ZNF143: variants seen among roughly 807,000 people sequenced by gnomAD.
ZNF143 encodes the protein zinc finger protein 143, also known as SPH-binding factor.
ZNF143 carries 49 observed loss-of-function variants against 74.1 expected under a neutral mutation model. The ratio of observed to expected loss-of-function variants is 0.66; its 90% CI spans 0.53 to 0.84. The LOEUF (loss-of-function observed/expected upper bound fraction) is 0.84. Ranked by LOEUF, ZNF143 falls within the 40% of genes least tolerant of loss-of-function variation. The pLI is 0.00. For missense variants in ZNF143, 637 were observed against 793.4 expected, an observed-to-expected ratio of 0.80 and a Z score of 2.37; for synonymous variants, 304 against 282.8, an observed-to-expected ratio of 1.07 and a Z score of -0.75.
chr11:9,500,738 T>C (rs1239501232), intron 10 of ZNF143, among the ~76,000 whole-genome samples: 1 of 152,234 alleles, frequency 6.6e-6, no homozygotes, highest in Non-Finnish European at 1.5e-5. Context: ...TTTTAGGGAA[T>C]TCTGGGTTTG....
chr11:9,496,706 A>T (rs756755196), intron 9 of ZNF143, among the ~76,000 whole-genome samples: 1 of 151,506 alleles, frequency 6.6e-6, no homozygotes, highest in African/African-American at 2.4e-5. Flanking sequence ...AAGCAATTCT[A>T]GTGCCTCAGC....
intron 7 of ZNF143, among the ~76,000 whole-genome samples, chr11:9,484,109 G>A (rs1319839876): frequency 6.6e-6 from 1 of 151,502 alleles, no homozygotes; most frequent in Admixed American, 6.6e-5. Flanking sequence ...CTCTTCATTA[G>A]TGCTGGATCA....
intron 14 of ZNF143, among the ~76,000 whole-genome samples, chr11:9,524,139 C>A (rs1849044741): frequency 6.6e-6 from 1 of 151,478 alleles, no homozygotes; most frequent in African/African-American, 2.4e-5. Flanking sequence ...CTATTCTTCT[C>A]TGTACTGCTA....
At chr11:9,495,978 A>G (rs1847943846) in intron 8 of ZNF143, among the ~76,000 whole-genome samples, 1 of 152,080 alleles carries the variant, frequency 6.6e-6, no homozygotes, top group African/African-American at 2.4e-5. Context: ...TCTTAACCTT[A>G]CATTGTGTAG....
chr11:9,515,244 G>A (rs1299097689), intron 13 of ZNF143, among the ~76,000 whole-genome samples: 3 of 152,204 alleles, frequency 2.0e-5, no homozygotes, highest in African/African-American at 7.2e-5. Context: ...GATGGTTAGG[G>A]AAGGGTTAGA....
chr11:9,471,181 T>C (rs182360121), intron 1 of ZNF143, 121 bp from the exon 2 acceptor site: 1 of 774,692 alleles, frequency 1.3e-6, no homozygotes, highest in Admixed American at 3.1e-5. Context: ...TGAGTGAAAT[T>C]TCATCTTATT....
chr11:9,470,710 T>C, intron 1 of ZNF143, among the ~76,000 whole-genome samples: 1 of 152,204 alleles, frequency 6.6e-6, no homozygotes, highest in African/African-American at 2.4e-5. Flanking sequence ...GATTTTACTC[T>C]GAGAAAGTCC....
intron 11 of ZNF143, among the ~76,000 whole-genome samples, chr11:9,504,857 T>C (rs1462904914): frequency 8.4e-6 from 1 of 118,888 alleles, no homozygotes. Flanking sequence ...ATACTTTTAA[T>C]AGAGACGGGA....
chr11:9,482,894 G>A (rs2133946766), intron 7 of ZNF143, among the ~76,000 whole-genome samples: 1 of 151,484 alleles, frequency 6.6e-6, no homozygotes, highest in Admixed American at 6.6e-5. Flanking sequence ...TGATATTTTG[G>A]ACATATTGTG....
chr11:9,463,238 C>T (rs551881664), intron 1 of ZNF143, among the ~76,000 whole-genome samples: 1 of 152,304 alleles, frequency 6.6e-6, no homozygotes, highest in African/African-American at 2.4e-5. Context: ...ATGCTATGAA[C>T]ATTTGTACGA....
At chr11:9,504,839 T>A (rs2134125077) in intron 11 of ZNF143, among the ~76,000 whole-genome samples, 1 of 115,950 alleles carries the variant, frequency 8.6e-6, no homozygotes, top group East Asian at 2.4e-4. Context: ...CACGCCCAGC[T>A]AATTTTTATA....
At chr11:9,483,692 C>T (rs1219408344) in intron 7 of ZNF143, among the ~76,000 whole-genome samples, 4 of 150,382 alleles carry the variant, frequency 2.7e-5, no homozygotes, top group African/African-American at 1.0e-4. Flanking sequence ...TATCCTCCTG[C>T]CTTGACATTC....
intron 7 of ZNF143, among the ~76,000 whole-genome samples, chr11:9,493,533 T>C (rs779952046): frequency 3.3e-5 from 5 of 152,208 alleles, no homozygotes; most frequent in Non-Finnish European, 5.9e-5. Context: ...AGTTGATTTA[T>C]ATTACAAGGA....
At chr11:9,511,578 A>G (rs1848548891) in intron 12 of ZNF143, among the ~76,000 whole-genome samples, 1 of 151,058 alleles carries the variant, frequency 6.6e-6, no homozygotes, top group African/African-American at 2.4e-5. Context: ...CTGGGATTAC[A>G]GGTGTGAGCC....
At position 9,519,189 on chromosome 11, in the gene ZNF143, C is replaced by A. The variant is rs1182667610; in HGVS notation, c.1686+2827C>A. Among the ~76,000 whole-genome samples the A allele has an allele frequency of 8.6e-5, 13 of 151,214 alleles. 1 individual carries two copies. Among genetic ancestry groups the A allele is most frequent in the Admixed American group, 4.6e-4 (7 of 15,082 alleles). On this transcript the variant is annotated intron_variant, in intron 14 of 15. Transcript: ENST00000396602. ...AGTACTCACTCTCCTTAGGCAAAAA[C>A]TGTTGTGATTGAATTAGTTTTGCCT...
chr11:9,473,322 C>T (rs1226550008), intron 3 of ZNF143, among the ~76,000 whole-genome samples: 1 of 148,696 alleles, frequency 6.7e-6, no homozygotes, highest in Non-Finnish European at 1.5e-5. Context: ...ACCCGGGAGG[C>T]AGAGGTTGCA....
intron 1 of ZNF143, among the ~76,000 whole-genome samples, chr11:9,464,074 GTGTGTGTGTGTT>G (rs1479398927): frequency 5.5e-5 from 7 of 127,506 alleles, no homozygotes; most frequent in East Asian, 2.2e-4. Context: ...TAGGGATGTC[GTGTGTGTGTGTT>G]TGTGTGTGTG....
intron 1 of ZNF143, among the ~76,000 whole-genome samples, chr11:9,466,389 G>A (rs540958051): frequency 3.3e-5 from 5 of 150,594 alleles, no homozygotes; most frequent in Non-Finnish European, 5.9e-5. Context: ...TACGTCTCCC[G>A]GATTCAAGCG....
At position 9,516,220 on chromosome 11, in the gene ZNF143, ACATGCAGGC is replaced by A. The variant is rs768955071; in HGVS notation, c.1548_1556del (p.Met516_Ala518del). ...TTGCAGGTCAACATATCTCAAGCTG[ACATGCAGGC>A]CATTGGCAACACCATCACAATGGTA... On this transcript the variant is annotated inframe_deletion, in exon 14 of 16. Transcript: ENST00000396602. 5 of 1,614,032 alleles carry A rather than the reference ACATGCAGGC, an allele frequency of 3.1e-6. No individual in the cohort carries two copies. The highest frequency in any genetic ancestry group is 4.2e-6 in the Non-Finnish European group (5 of 1,179,940).
Sources: allele counts gnomAD v4.1 joint callset (sites outside exome capture counted in the v4.1 genomes callset), GRCh38; gene constraint gnomAD v4.1.1; transcripts MANE v1.5; gene names NCBI Gene and HGNC (gene_info 2026-07-23, HGNC 2026-07-21).